Variants in MCC observed in about 807,000 individuals in gnomAD.
MCC encodes the protein MCC regulator of Wnt signaling pathway.
In MCC, 90 loss-of-function variants were observed where a neutral mutation model predicts 116.2. The ratio of observed to expected loss-of-function variants is 0.77; its 90% CI spans 0.65 to 0.92. The LOEUF (loss-of-function observed/expected upper bound fraction) is 0.92, where lower values mean the gene tolerates loss of function less well. MCC is among the 40% of genes least tolerant of loss of function. MCC has a pLI of 0.00. For missense variants in MCC, 1,516 were observed against 1,312.2 expected (o/e 1.16, Z -2.40); for synonymous variants, 578 against 510.5 (o/e 1.13, Z -1.78).
intron 3 of MCC, among the ~76,000 whole-genome samples, chr5:113,162,541 G>C (rs1395466333): frequency 1.3e-5 from 2 of 151,996 alleles, no homozygotes; most frequent in Non-Finnish European, 2.9e-5. Flanking sequence ...CTGTCACCCA[G>C]GTTAGAATGC....
At chr5:113,109,258 G>T (rs1756937372) in intron 6 of MCC, among the ~76,000 whole-genome samples, 1 of 152,236 alleles carries the variant, frequency 6.6e-6, no homozygotes, top group African/African-American at 2.4e-5. Context: ...AAAGGTGGAA[G>T]TAGCCCAGGG....
intron 14 of MCC, among the ~76,000 whole-genome samples, chr5:113,054,205 G>A (rs1050693935): frequency 5.3e-5 from 8 of 152,120 alleles, no homozygotes; most frequent in Admixed American, 5.2e-4. Flanking sequence ...GAATTTCTAA[G>A]GAAATAATTC....
At chr5:113,373,492 A>G (rs1411719980) in intron 2 of MCC, among the ~76,000 whole-genome samples, 2 of 152,182 alleles carry the variant, frequency 1.3e-5, no homozygotes, top group East Asian at 3.9e-4. Flanking sequence ...GTCATTTATT[A>G]TCTTTGGTTT....
intron 3 of MCC, among the ~76,000 whole-genome samples, chr5:113,177,354 C>T (rs923664265): frequency 1.3e-5 from 2 of 152,214 alleles, no homozygotes; most frequent in African/African-American, 4.8e-5. Context: ...TGACTAGTTC[C>T]TCTAACATGG....
At chr5:113,388,308 T>C (rs1295986957) in intron 1 of MCC, among the ~76,000 whole-genome samples, 2 of 152,216 alleles carry the variant, frequency 1.3e-5, no homozygotes, top group Non-Finnish European at 2.9e-5. Context: ...GCTAAATTCT[T>C]TCAGTATAGA....
chr5:113,101,644 C>G (rs1278834273), intron 8 of MCC, 95 bp downstream of exon 8: 1 of 1,311,976 alleles, frequency 7.6e-7, no homozygotes, highest in African/African-American at 1.5e-5. Flanking sequence ...TTACAAATGC[C>G]ACAAAATTCT....
intron 3 of MCC, among the ~76,000 whole-genome samples, chr5:113,246,517 A>T (rs1764582159): frequency 6.6e-6 from 1 of 152,200 alleles, no homozygotes; most frequent in African/African-American, 2.4e-5. Context: ...ATTTTTAGGA[A>T]AACAGGAAAG....
chr5:113,112,719 C>T (rs1412046873), intron 6 of MCC, among the ~76,000 whole-genome samples: 3 of 152,196 alleles, frequency 2.0e-5, no homozygotes, highest in Admixed American at 1.3e-4. Flanking sequence ...TTTCCAGAGA[C>T]TCACAGTGCT....
Position 113,066,919 on chromosome 5 carries a change from C to T in MCC, c.2029+1161G>A, listed in dbSNP as rs141162032. Among the ~76,000 whole-genome samples the T allele has an allele frequency of 3.3e-5, 5 of 152,256 alleles. No homozygotes were observed. In the East Asian group the frequency reaches 9.7e-4, roughly 29 times the overall value. On this transcript the variant is annotated intron_variant, in intron 13 of 18. Transcript: ENST00000408903. ...GTCACCTTGGCTTTCTGTTTACTTG[C>T]TATTGCCTCTCCGAAGGCTAAGGGG...
intron 4 of MCC, among the ~76,000 whole-genome samples, chr5:113,148,792 G>A (rs944460165): frequency 6.6e-6 from 1 of 152,216 alleles, no homozygotes; most frequent in Non-Finnish European, 1.5e-5. Flanking sequence ...AGTGAGAAGA[G>A]CAGAGAGTAA....
intron 1 of MCC, among the ~76,000 whole-genome samples, chr5:113,389,870 TC>T (rs1036757417): frequency 1.3e-5 from 2 of 152,202 alleles, no homozygotes; most frequent in Non-Finnish European, 2.9e-5. Flanking sequence ...CTTTGTATTT[TC>T]CCACATAATG....
intron 1 of MCC, among the ~76,000 whole-genome samples, chr5:113,445,422 T>TA (rs1401100022): frequency 2.0e-5 from 3 of 152,054 alleles, no homozygotes; most frequent in Non-Finnish European, 2.9e-5. Context: ...AATGTATTAA[T>TA]AAAAAAATCA....
intron 3 of MCC, among the ~76,000 whole-genome samples, chr5:113,180,130 A>G (rs568383876): frequency 6.6e-6 from 1 of 152,264 alleles, no homozygotes; most frequent in South Asian, 2.1e-4. Context: ...GGTCTCCATG[A>G]GAAGTACTTC....
chr5:113,398,448 T>C lies in MCC; in HGVS notation c.171-13236A>G, dbSNP rs368087011. ...AATCAACCTAGGTACTCATCAGTGA[T>C]GGATTGGATAAAGAAAATGCACATA... On this transcript the variant is annotated intron_variant, in intron 1 of 18. Coordinates refer to ENST00000408903, the MANE Select transcript of MCC (RefSeq NM_001085377.2). Among the ~76,000 whole-genome samples the C allele has an allele frequency of 1.4e-3, 218 of 152,228 alleles. 1 individual carries two copies. The highest frequency in any genetic ancestry group is 5.0e-3 in the African/African-American group (208 of 41,558).
In MCC at chr5:113,386,122, C is replaced by T. The variant is rs111955021; in HGVS notation, c.171-910G>A. ...TAGCAAATATTTTGCTCATATTCCT[C>T]CAACTGCAGGTTTCAACAAAGGTCA... On this transcript the variant is annotated intron_variant, in intron 1 of 18. Coordinates refer to ENST00000408903, the MANE Select transcript of MCC (RefSeq NM_001085377.2). Among the ~76,000 whole-genome samples the T allele has an allele frequency of 8.3e-3, 1,271 of 152,268 alleles. 9 individuals are homozygous for T. Among genetic ancestry groups the T allele is most frequent in the Non-Finnish European group, 0.014 (929 of 68,028 alleles).
At chr5:113,116,541 A>G (rs1159345279) in intron 6 of MCC, among the ~76,000 whole-genome samples, 1 of 152,240 alleles carries the variant, frequency 6.6e-6, no homozygotes, top group Non-Finnish European at 1.5e-5. Flanking sequence ...AAGTTCATGA[A>G]TCCCAAGAAT....
chr5:113,215,209 T>C (rs1408096820), intron 3 of MCC, among the ~76,000 whole-genome samples: 1 of 152,232 alleles, frequency 6.6e-6, no homozygotes, highest in African/African-American at 2.4e-5. Context: ...GACTTCCATG[T>C]TCAACTACAC....
intron 1 of MCC, among the ~76,000 whole-genome samples, chr5:113,405,668 G>A (rs1014013007): frequency 2.6e-5 from 4 of 151,996 alleles, no homozygotes; most frequent in Non-Finnish European, 5.9e-5. Flanking sequence ...TTAGCCAGGC[G>A]TGGTGGCATG....
Position 113,247,260 on chromosome 5 carries a change from C to T in MCC, c.627+93259G>A, listed in dbSNP as rs543420783. Among the ~76,000 whole-genome samples, 6 of 152,248 alleles carry T rather than the reference C, an allele frequency of 3.9e-5. No individual in the cohort carries two copies. In the East Asian group the frequency reaches 9.7e-4, roughly 24 times the overall value. On this transcript the variant is annotated intron_variant, in intron 3 of 18. Coordinates refer to ENST00000408903, the MANE Select transcript of MCC (RefSeq NM_001085377.2). ...GCAACTGACAAAAGCTTTGTGAAGG[C>T]AGGTGCATTCAGTGGAAAGAGTAGA... is the stretch of plus-strand genomic sequence containing the variant.
Sources: gnomAD v4.1 joint callset for allele counts (sites outside exome capture counted in the v4.1 genomes callset) on GRCh38, gnomAD v4.1.1 for gene constraint, MANE v1.5 for transcripts, NCBI Gene and HGNC (gene_info 2026-07-23, HGNC 2026-07-21) for gene names.